Variants in PCDH15 observed in about 807,000 individuals in gnomAD.
The protein encoded by PCDH15 is protocadherin-15.
A neutral mutation model predicts 178.5 loss-of-function variants in PCDH15; 129 were observed. The observed-to-expected ratio is 0.72, with a 90% CI of 0.63 to 0.84. The LOEUF is 0.84. Ranked by LOEUF, PCDH15 falls within the 40% of genes least tolerant of loss-of-function variation. The pLI is 0.00. For synonymous variants in PCDH15, 800 were observed against 732.0 expected (o/e 1.09, Z -1.50); for missense variants, 2,230 against 2,099.9 (o/e 1.06, Z -1.21).
chr10:54,127,606 TTTTG>T (rs780154482), intron 15 of PCDH15, among the ~76,000 whole-genome samples: 22 of 152,310 alleles, frequency 1.4e-4, no homozygotes, highest in Non-Finnish European at 2.8e-4. Flanking sequence ...CAGCTGAGTA[TTTTG>T]TTTAATTTTT....
In PCDH15 at chr10:54,026,071, GATTT is replaced by G. The variant is rs544659249; in HGVS notation, c.2221-2878_2221-2875del. ...TATAGCAATCTATATTTTAGGATGG[GATTT>G]TTTTTTTTTTTTGAAACAGGTCTTG... is the stretch of plus-strand genomic sequence containing the variant. On this transcript the variant is annotated intron_variant, in intron 18 of 37. Transcript: ENST00000644397. Among the ~76,000 whole-genome samples the G allele has an allele frequency of 1.3e-3, 191 of 143,302 alleles. 3 individuals carry two copies. Among genetic ancestry groups the G allele is most frequent in the Middle Eastern group, 3.6e-3 (1 of 276 alleles). The allele number at this position is 143,302 out of a possible 152,430, so 94.0% of individuals were successfully genotyped here. A position where few individuals can be genotyped will look rare whatever the true frequency, so the allele number is the denominator to read the frequency against.
intron 3 of PCDH15, among the ~76,000 whole-genome samples, chr10:54,459,694 C>T (rs1179218566): frequency 6.6e-6 from 1 of 151,992 alleles, no homozygotes; most frequent in Non-Finnish European, 1.5e-5. Context: ...AGAATAATTT[C>T]TATATGTAAT....
At chr10:54,764,631 A>G (rs934704046) in intron 1 of PCDH15, among the ~76,000 whole-genome samples, 1 of 152,108 alleles carries the variant, frequency 6.6e-6, no homozygotes, top group Non-Finnish European at 1.5e-5. Context: ...AAACCTCATG[A>G]CCTCATCTGT....
chr10:54,435,757 T>C (rs1033227595), intron 3 of PCDH15, among the ~76,000 whole-genome samples: 4 of 151,768 alleles, frequency 2.6e-5, no homozygotes, highest in Non-Finnish European at 4.4e-5. Context: ...GATCACGAGA[T>C]CAGGAAATCG....
At chr10:54,012,067 A>G (rs371756052) in intron 20 of PCDH15, among the ~76,000 whole-genome samples, 3 of 152,192 alleles carry the variant, frequency 2.0e-5, no homozygotes, top group African/African-American at 7.2e-5. Context: ...AGGAGCTGGT[A>G]GATGAAATGG....
intron 2 of PCDH15, among the ~76,000 whole-genome samples, chr10:55,500,092 G>T (rs564929747): frequency 4.0e-5 from 6 of 151,800 alleles, no homozygotes; most frequent in African/African-American, 1.4e-4. Flanking sequence ...AAAAGAAATT[G>T]TTAATGGTGA....
At chr10:54,162,694 G>A (rs1295346304) in intron 13 of PCDH15, among the ~76,000 whole-genome samples, 1 of 152,068 alleles carries the variant, frequency 6.6e-6, no homozygotes, top group Non-Finnish European at 1.5e-5. Flanking sequence ...GATCATTTGG[G>A]GTTAATGTCT....
At chr10:53,973,825 A>T (rs10763038) in intron 21 of PCDH15, among the ~76,000 whole-genome samples, 103,805 of 152,018 alleles carry the variant, frequency 0.68, 35,939 homozygotes, top group East Asian at 0.87. Flanking sequence ...ATACTTAGAT[A>T]TGAGGAAGAG....
chr10:55,542,533 T>C (rs1841789079), intron 2 of PCDH15, among the ~76,000 whole-genome samples: 1 of 150,662 alleles, frequency 6.6e-6, no homozygotes, highest in Non-Finnish European at 1.5e-5. Context: ...CACATGTACA[T>C]ATGTACAGGA....
chr10:54,668,267 C>T (rs1346694735), intron 1 of PCDH15, among the ~76,000 whole-genome samples: 2 of 151,810 alleles, frequency 1.3e-5, no homozygotes, highest in Admixed American at 6.6e-5. Context: ...AGACCAATAA[C>T]AAACATAAAT....
In PCDH15 at chr10:53,892,532, G is replaced by A. The variant is rs140504910; in HGVS notation, c.3501+10711C>T. Among the ~76,000 whole-genome samples the A allele has an allele frequency of 6.2e-4, 94 of 152,200 alleles. 1 individual carries two copies. The East Asian group carries it at 0.015, about 25-fold the overall frequency. ...ACAAACAAACTGATTTGTGTGGAGAGGGGGAAGAAGAGTAAAACATATGCA... is the reference window on the plus strand; with the variant it reads ...ACAAACAAACTGATTTGTGTGGAGAAGGGGAAGAAGAGTAAAACATATGCA... On this transcript the variant is annotated intron_variant, in intron 26 of 37. Coordinates refer to ENST00000644397, the MANE Select transcript of PCDH15 (RefSeq NM_001384140.1).
At chr10:54,485,392 C>T (rs1223035671) in intron 3 of PCDH15, among the ~76,000 whole-genome samples, 1 of 151,874 alleles carries the variant, frequency 6.6e-6, no homozygotes, top group Non-Finnish European at 1.5e-5. Context: ...AGCAGCATAT[C>T]AAAGTAAGGC....
At chr10:54,385,798 T>A (rs1339705282) in intron 3 of PCDH15, among the ~76,000 whole-genome samples, 4 of 152,206 alleles carry the variant, frequency 2.6e-5, no homozygotes, top group Non-Finnish European at 5.9e-5. Context: ...TCAGGTATTT[T>A]CTAAAGGTCA....
At chr10:54,107,228 T>G (rs2136213495) in intron 15 of PCDH15, among the ~76,000 whole-genome samples, 1 of 152,352 alleles carries the variant, frequency 6.6e-6, no homozygotes, top group East Asian at 1.9e-4. Context: ...AAATTGATTT[T>G]GTGATCCAAA....
chr10:54,725,465 T>C (rs67113237), intron 1 of PCDH15, among the ~76,000 whole-genome samples: 18,069 of 147,994 alleles, frequency 0.12, 1,257 homozygotes, highest in African/African-American at 0.17. Context: ...TCACTTGAAC[T>C]CAGAAGTCTG....
intron 2 of PCDH15, among the ~76,000 whole-genome samples, chr10:55,013,489 A>G (rs1326199529): frequency 7.4e-6 from 1 of 135,992 alleles, no homozygotes; most frequent in Non-Finnish European, 1.6e-5. Context: ...ATCTCACATC[A>G]GGGCATCTGC....
rs192207661 is a variant in PCDH15 at position 54,863,424 on chromosome 10, C to T, written c.-29+34026G>A. On this transcript the variant is annotated intron_variant, in intron 3 of 5. Coordinates refer to the PCDH15 transcript ENST00000458638. ...GGGCATGGTGGCGGGTCCCTGTAGT[C>T]CCATCTACTCGGGAGGCTGAGGCAG... is the stretch of plus-strand genomic sequence containing the variant. Among the ~76,000 whole-genome samples, 1,149 of 152,152 alleles carry T rather than the reference C, an allele frequency of 7.6e-3. 9 individuals are homozygous for T. The highest frequency in any genetic ancestry group is 0.025 in the African/African-American group (1,053 of 41,518).
intron 2 of PCDH15, among the ~76,000 whole-genome samples, chr10:55,060,922 A>G (rs1365276251): frequency 6.6e-6 from 1 of 152,076 alleles, no homozygotes; most frequent in African/African-American, 2.4e-5. Flanking sequence ...TTTCACAAAA[A>G]CAAAATAAAA....
intron 6 of PCDH15, 88 bp downstream of exon 6, chr10:54,346,277 T>C: frequency 7.8e-7 from 1 of 1,281,860 alleles, no homozygotes. Context: ...TTCTGGAAGT[T>C]ACTGAATAAT....
Sources: gnomAD v4.1 joint callset for allele counts (sites outside exome capture counted in the v4.1 genomes callset) on GRCh38, gnomAD v4.1.1 for gene constraint, MANE v1.5 for transcripts, NCBI Gene and HGNC (gene_info 2026-07-23, HGNC 2026-07-21) for gene names.